The following DDX4 variants were observed in gnomAD, a reference collection of about 807,000 sequenced individuals.
DDX4 encodes DEAD-box helicase 4.
Under a neutral mutation model 100.0 loss-of-function variants are expected in DDX4, and 25 were observed. The observed-to-expected ratio is 0.25, with a 90% CI of 0.18 to 0.35. DDX4 has a LOEUF of 0.35. Among genes scored for constraint, DDX4 ranks in the 10% least tolerant of loss-of-function variants. DDX4 has a pLI of 1.00. For synonymous variants in DDX4, 259 were observed against 275.7 expected, an observed-to-expected ratio of 0.94 and a Z score of 0.60; for missense variants, 635 against 882.4, an observed-to-expected ratio of 0.72 and a Z score of 3.55.
intron 2 of DDX4, among the ~76,000 whole-genome samples, chr5:55,745,811 A>G (rs1759219267): frequency 6.6e-6 from 1 of 152,224 alleles, no homozygotes; most frequent in Admixed American, 6.5e-5. Context: ...ATAAAGGGCC[A>G]GATAATAAAT....
rs1200174635 is a variant in DDX4, at chr5:55,804,838, T to A, written c.1615+6267T>A. 5.3e-5 allele frequency among the ~76,000 whole-genome samples: 8 copies of A among 152,208 alleles called. No individual in the cohort carries two copies. In the South Asian group the frequency reaches 8.3e-4, roughly 16 times the overall value. ...TTTGGTTCCATATGAACTTTAAAGTTGGTTTTTCCAATTCTGTGAAGAAAG... is the reference window on the plus strand; with the variant it reads ...TTTGGTTCCATATGAACTTTAAAGTAGGTTTTTCCAATTCTGTGAAGAAAG... On this transcript the variant is annotated intron_variant, in intron 18 of 21. Transcript: ENST00000505374.
chr5:55,739,064 C>A, intron 2 of DDX4, 32 bp downstream of exon 2: 1 of 1,296,032 alleles, frequency 7.7e-7, no homozygotes, highest in Non-Finnish European at 1.1e-6. Context: ...TTATTAAATG[C>A]TACGGATTTT....
rs1744459376 is a variant in DDX4, at chr5:55,817,066, CTG to C, written c.*528_*529del. ...TGGTTAAATGTTTGTGATGGGAGCT[CTG>C]TACTCAATGGCATAACAATGTTTAT... On this transcript the variant is annotated 3_prime_UTR_variant, in exon 22 of 22. Transcript: ENST00000505374. 6.6e-6 allele frequency: 1 copy of C among 152,308 alleles called. No homozygotes were observed. The highest frequency in any genetic ancestry group is 2.4e-5 in the African/African-American group (1 of 41,432). The allele number at this position is 152,308 out of a possible 1,614,324, so 9.4% of individuals were successfully genotyped here. A position where few individuals can be genotyped will look rare whatever the true frequency, so the allele number is the denominator to read the frequency against.
At chr5:55,752,436 T>G (rs1759626076) in intron 3 of DDX4, among the ~76,000 whole-genome samples, 1 of 148,638 alleles carries the variant, frequency 6.7e-6, no homozygotes, top group African/African-American at 2.5e-5. Context: ...ATGCGGTGTT[T>G]GGTTTTTTGT....
chr5:55,764,785 T>A (rs1740785507), intron 6 of DDX4, among the ~76,000 whole-genome samples: 1 of 152,212 alleles, frequency 6.6e-6, no homozygotes, highest in Non-Finnish European at 1.5e-5. Context: ...CAGTTTTCTG[T>A]TCCATAGAAT....
intron 6 of DDX4, among the ~76,000 whole-genome samples, chr5:55,765,339 G>A (rs1025121322): frequency 6.8e-5 from 10 of 146,468 alleles, no homozygotes; most frequent in African/African-American, 2.5e-4. Context: ...TCTCTCCGAA[G>A]TGGCCTGCTT....
chr5:55,791,885 G>T (rs1377160006), intron 16 of DDX4, among the ~76,000 whole-genome samples: 2 of 152,078 alleles, frequency 1.3e-5, no homozygotes, highest in Non-Finnish European at 2.9e-5. Flanking sequence ...GCCGAGGCAG[G>T]CATATCACGA....
intron 6 of DDX4, chr5:55,766,936 T>A (rs13181170): frequency 7.9e-6 from 12 of 1,512,182 alleles, no homozygotes; most frequent in African/African-American, 1.4e-5. Flanking sequence ...GGGAATGGGG[T>A]CTAGGAATTT....
At chr5:55,793,998 T>A (rs976402969) in intron 17 of DDX4, among the ~76,000 whole-genome samples, 2 of 152,208 alleles carry the variant, frequency 1.3e-5, no homozygotes, top group African/African-American at 4.8e-5. Flanking sequence ...TCCCAAACCC[T>A]TGAATAGTGG....
intron 7 of DDX4, among the ~76,000 whole-genome samples, chr5:55,772,596 A>T (rs953344423): frequency 3.3e-5 from 5 of 152,062 alleles, no homozygotes; most frequent in Non-Finnish European, 7.4e-5. Context: ...GTAGGGTCTA[A>T]TGGGAGGTAT....
At chr5:55,811,053 T>C (rs562695956) in intron 18 of DDX4, among the ~76,000 whole-genome samples, 2 of 151,044 alleles carry the variant, frequency 1.3e-5, no homozygotes, top group African/African-American at 4.8e-5. Flanking sequence ...CCTAATAAAG[T>C]CAACAGAATC....
intron 18 of DDX4, among the ~76,000 whole-genome samples, chr5:55,807,301 T>TG (rs1743796184): frequency 6.6e-6 from 1 of 152,320 alleles, no homozygotes; most frequent in African/African-American, 2.4e-5. Context: ...GTCTTTTAAT[T>TG]GGAGCATTTA....
chr5:55,768,664 G>A (rs1205133395), intron 7 of DDX4, among the ~76,000 whole-genome samples: 5 of 152,222 alleles, frequency 3.3e-5, no homozygotes, highest in African/African-American at 4.8e-5. Flanking sequence ...TTGCTGGATC[G>A]AATGGTAGTT....
intron 7 of DDX4, among the ~76,000 whole-genome samples, chr5:55,778,158 A>G (rs150916029): frequency 2.9e-3 from 445 of 152,304 alleles, no homozygotes; most frequent in African/African-American, 1.0e-2. Context: ...AAAGAAATCA[A>G]TAAGTCTAAC....
At chr5:55,777,748 A>G (rs1047036232) in intron 7 of DDX4, among the ~76,000 whole-genome samples, 1 of 152,110 alleles carries the variant, frequency 6.6e-6, no homozygotes, top group Admixed American at 6.6e-5. Flanking sequence ...CTGAAACTTA[A>G]AAGTAAAGAG....
intron 16 of DDX4, among the ~76,000 whole-genome samples, chr5:55,792,362 AT>A (rs1355664168): frequency 6.7e-6 from 1 of 148,572 alleles, no homozygotes; most frequent in East Asian, 2.0e-4. Context: ...TTTTATTTTT[AT>A]TTTTTTCTTT....
intron 3 of DDX4, among the ~76,000 whole-genome samples, chr5:55,755,763 A>G (rs576916111): frequency 1.3e-5 from 2 of 152,140 alleles, no homozygotes; most frequent in African/African-American, 2.4e-5. Context: ...TAGATTCAAT[A>G]TGTATTTCAG....
chr5:55,800,049 A>G (rs1743201067), intron 18 of DDX4, among the ~76,000 whole-genome samples: 1 of 152,240 alleles, frequency 6.6e-6, no homozygotes, highest in African/African-American at 2.4e-5. Context: ...GGTTGGCTTC[A>G]TCAAATGTTT....
chr5:55,755,006 G>C (rs542705014), intron 3 of DDX4, among the ~76,000 whole-genome samples: 76 of 152,226 alleles, frequency 5.0e-4, no homozygotes, highest in Non-Finnish European at 9.1e-4. Context: ...ATTTTTAAAT[G>C]TACCGTTGAA....
Sources: gnomAD v4.1 joint callset for allele counts (sites outside exome capture counted in the v4.1 genomes callset) on GRCh38, gnomAD v4.1.1 for gene constraint, MANE v1.5 for transcripts, NCBI Gene and HGNC (gene_info 2026-07-23, HGNC 2026-07-21) for gene names.